THEMIS: variants seen among roughly 807,000 people sequenced by gnomAD.
The protein encoded by THEMIS is protein THEMIS.
A neutral mutation model predicts 52.6 loss-of-function variants in THEMIS; 37 were observed. The observed-to-expected ratio is 0.70, with a 90% CI of 0.54 to 0.93. The LOEUF is 0.93. Ranked by LOEUF, THEMIS falls within the 40% of genes least tolerant of loss-of-function variation. The probability of loss-of-function intolerance (pLI) is 0.00; values close to 1 mark genes in which losing one functional copy is unlikely to be tolerated. For synonymous variants in THEMIS, 292 were observed against 272.7 expected, an observed-to-expected ratio of 1.07 and a Z score of -0.70; for missense variants, 808 against 763.1, an observed-to-expected ratio of 1.06 and a Z score of -0.69.
chr6:127,879,179 C>G (rs1780403167), intron 1 of THEMIS, among the ~76,000 whole-genome samples: 1 of 152,138 alleles, frequency 6.6e-6, no homozygotes, highest in Admixed American at 6.5e-5. Flanking sequence ...TTTCGGTGTT[C>G]TAATTATTGT....
At chr6:127,907,894 A>C (rs1781316517) in intron 1 of THEMIS, among the ~76,000 whole-genome samples, 1 of 151,786 alleles carries the variant, frequency 6.6e-6, no homozygotes, top group Non-Finnish European at 1.5e-5. Context: ...CACCCAGCTA[A>C]TTTTTTATAT....
chr6:127,842,193 T>TA (rs554274579), intron 2 of THEMIS, among the ~76,000 whole-genome samples: 2 of 151,852 alleles, frequency 1.3e-5, no homozygotes, highest in Admixed American at 6.6e-5. Context: ...TTTAATCAAA[T>TA]AAAAAAATCA....
intron 4 of THEMIS, among the ~76,000 whole-genome samples, chr6:127,758,619 A>G (rs1775914802): frequency 6.6e-6 from 1 of 151,814 alleles, no homozygotes; most frequent in Non-Finnish European, 1.5e-5. Context: ...AAGGTGTAAC[A>G]TTAAAGTTGA....
intron 4 of THEMIS, among the ~76,000 whole-genome samples, chr6:127,737,630 A>G (rs985124566): frequency 3.9e-5 from 6 of 152,208 alleles, no homozygotes; most frequent in Non-Finnish European, 5.9e-5. Context: ...CTTGCCTAAC[A>G]TGTTATATTT....
At chr6:127,909,484 A>G (rs115483514) in intron 1 of THEMIS, among the ~76,000 whole-genome samples, 3,789 of 152,158 alleles carry the variant, frequency 0.025, 176 homozygotes, top group African/African-American at 0.086. Flanking sequence ...CCATGTGAAG[A>G]AGGACATGTT....
chr6:127,915,232 C>G (rs752947022), intron 1 of THEMIS, among the ~76,000 whole-genome samples: 18 of 122,172 alleles, frequency 1.5e-4, no homozygotes, highest in Non-Finnish European at 2.8e-4. Flanking sequence ...AAAATGATGA[C>G]AGTATAGTAT....
intron 4 of THEMIS, among the ~76,000 whole-genome samples, chr6:127,743,753 C>T (rs1243583454): frequency 6.6e-6 from 1 of 151,994 alleles, no homozygotes; most frequent in African/African-American, 2.4e-5. Context: ...CTGAGGTACA[C>T]AATGCATCAT....
chr6:127,894,900 G>A (rs2114483934), intron 1 of THEMIS, among the ~76,000 whole-genome samples: 1 of 150,568 alleles, frequency 6.6e-6, no homozygotes, highest in Non-Finnish European at 1.5e-5. Flanking sequence ...ATGATTAAAT[G>A]TAAAAATCCT....
At position 127,719,823 on chromosome 6, in the gene THEMIS, G is replaced by A. The variant is rs754605885; in HGVS notation, c.1759C>T (p.Arg587Cys). The A allele has an allele frequency of 6.8e-6, 11 of 1,610,904 alleles. No individual in the cohort carries two copies. Among genetic ancestry groups the A allele is most frequent in the African/African-American group, 1.3e-5 (1 of 74,788 alleles). Residue 587 changes from arginine to cysteine, a missense_variant and splice_region_variant, in exon 5 of 6, where the codon CGT becomes TGT. Transcript: ENST00000368248. ...TTCTTGGTTATGTCTACGTGATGACGCTGAAATGACACAGGTCACAAGTAA... is the reference window on the plus strand; with the variant it reads ...TTCTTGGTTATGTCTACGTGATGACACTGAAATGACACAGGTCACAAGTAA... ...RTVDLPKSPK[R>C]HHVDITKKLH...
At chr6:127,908,269 T>C (rs1781326521) in intron 1 of THEMIS, among the ~76,000 whole-genome samples, 2 of 152,104 alleles carry the variant, frequency 1.3e-5, no homozygotes, top group African/African-American at 4.8e-5. Flanking sequence ...TATAAGCCCT[T>C]AGAGACATTA....
intron 4 of THEMIS, among the ~76,000 whole-genome samples, chr6:127,746,511 C>T (rs1775394428): frequency 6.7e-6 from 1 of 149,748 alleles, no homozygotes; most frequent in Admixed American, 6.8e-5. Context: ...TATTCAATCA[C>T]AAATTTGGTA....
At chr6:127,904,398 T>C (rs1054619170), upstream of THEMIS, among the ~76,000 whole-genome samples, 1 of 152,004 alleles carries the variant, frequency 6.6e-6, no homozygotes, top group Non-Finnish European at 1.5e-5. Flanking sequence ...GTGTTCTCAG[T>C]TGGGGCTCCT....
chr6:127,780,208 T>C (rs766066587), intron 4 of THEMIS, among the ~76,000 whole-genome samples: 24 of 152,212 alleles, frequency 1.6e-4, no homozygotes, highest in African/African-American at 5.8e-4. Flanking sequence ...TATCAGAGAC[T>C]ATGTTTGCAG....
intron 1 of THEMIS, among the ~76,000 whole-genome samples, chr6:127,908,021 A>G (rs1048778996): frequency 6.6e-6 from 1 of 152,116 alleles, no homozygotes; most frequent in Non-Finnish European, 1.5e-5. Context: ...TCAAAATGCA[A>G]CATGCAAAAT....
At chr6:127,854,967 G>A (rs1779567491) in intron 2 of THEMIS, 63 bp downstream of exon 2, 1 of 1,432,696 alleles carries the variant, frequency 7.0e-7, no homozygotes. Flanking sequence ...TTTTGGTTGT[G>A]TATATATACA....
intron 1 of THEMIS, among the ~76,000 whole-genome samples, chr6:127,908,708 A>C (rs76732802): frequency 0.011 from 1,671 of 152,250 alleles, 34 homozygotes; most frequent in African/African-American, 0.039. Context: ...ATGTAACTCT[A>C]ACATTTTCCT....
Position 127,901,043 on chromosome 6 carries a change from A to G in THEMIS, c.-111T>C. ...CTCACCATTTCTTCCTCAGGCAGGCAGGAATGTCACACTACAGCCAGAGTG... is the reference window on the plus strand; with the variant it reads ...CTCACCATTTCTTCCTCAGGCAGGCGGGAATGTCACACTACAGCCAGAGTG... On this transcript the variant is annotated 5_prime_UTR_variant, in exon 1 of 6. Transcript: ENST00000368248. 1.2e-6 allele frequency: 1 copy of G among 850,356 alleles called. No homozygotes were observed. Among genetic ancestry groups the G allele is most frequent in the Non-Finnish European group, 2.0e-6 (1 of 503,644 alleles). 52.7% of individuals were successfully genotyped at this position (850,356 alleles called of 1,614,324 possible).
At chr6:127,880,587 A>G (rs1021723483) in intron 1 of THEMIS, among the ~76,000 whole-genome samples, 1 of 151,302 alleles carries the variant, frequency 6.6e-6, no homozygotes, top group Non-Finnish European at 1.5e-5. Context: ...AAAAAAAAAA[A>G]AGCACTTTGG....
rs933544488 is a variant in THEMIS at position 127,747,332 on chromosome 6, T to C, written c.1759-27509A>G. ...ATAATTATAAATATCTATATCTATATAATATATAGATACAATTATAGATAT... is the reference window on the plus strand; with the variant it reads ...ATAATTATAAATATCTATATCTATACAATATATAGATACAATTATAGATAT... On this transcript the variant is annotated intron_variant, in intron 4 of 5. Coordinates refer to ENST00000368248, the MANE Select transcript of THEMIS (RefSeq NM_001010923.3). 1.6e-4 allele frequency among the ~76,000 whole-genome samples: 23 copies of C among 144,112 alleles called. 1 individual carries two copies. Among genetic ancestry groups the C allele is most frequent in the African/African-American group, 5.5e-4 (22 of 40,160 alleles). 94.5% of individuals were successfully genotyped at this position (144,112 alleles called of 152,430 possible). A position where few individuals can be genotyped will look rare whatever the true frequency, so the allele number is the denominator to read the frequency against.
Sources: gnomAD v4.1 joint callset for allele counts (sites outside exome capture counted in the v4.1 genomes callset) on GRCh38, gnomAD v4.1.1 for gene constraint, MANE v1.5 for transcripts, NCBI Gene and HGNC (gene_info 2026-07-23, HGNC 2026-07-21) for gene names.